Variants in ADGRV1 observed in about 807,000 individuals in gnomAD.
ADGRV1 encodes G-protein coupled receptor 98.
In ADGRV1, 359 loss-of-function variants were observed where a neutral mutation model predicts 596.2. The observed-to-expected ratio is 0.60, with a 90% CI of 0.55 to 0.66. The LOEUF is 0.66. Among genes scored for constraint, ADGRV1 ranks in the 30% least tolerant of loss-of-function variants. The pLI, the probability that ADGRV1 is intolerant of heterozygous loss-of-function variation, is 0.00. For missense variants in ADGRV1, 7,274 were observed against 7,575.6 expected, an observed-to-expected ratio of 0.96 and a Z score of 1.48; for synonymous variants, 2,681 against 2,679.2, an observed-to-expected ratio of 1.00 and a Z score of -0.02.
chr5:90,969,830 A>T lies in ADGRV1; in HGVS notation c.17973+4299A>T, dbSNP rs563726980. Among the ~76,000 whole-genome samples the T allele has an allele frequency of 2.0e-5, 3 of 152,310 alleles. No homozygotes were observed. The East Asian group carries it at 5.8e-4, about 30-fold the overall frequency. ...GAAGACGGGTGATTTCTGCATTTCC[A>T]ACTGAGGTACTGGGTTCATCTCACG... On this transcript the variant is annotated intron_variant, in intron 84 of 89. Coordinates refer to ENST00000405460, the MANE Select transcript of ADGRV1 (RefSeq NM_032119.4).
intron 87 of ADGRV1, among the ~76,000 whole-genome samples, chr5:91,141,048 C>T (rs977110852): frequency 6.6e-6 from 1 of 152,160 alleles, no homozygotes; most frequent in Non-Finnish European, 1.5e-5. Flanking sequence ...ATAAGTGACA[C>T]ACAGAGAAAT....
chr5:90,706,657 A>T (rs1347383304), intron 38 of ADGRV1, among the ~76,000 whole-genome samples: 3 of 151,946 alleles, frequency 2.0e-5, no homozygotes, highest in South Asian at 4.2e-4. Context: ...TTAGTAAGAC[A>T]CTTCTAGTAA....
chr5:90,791,259 G>GCCGATTGTTA lies in ADGRV1; in HGVS notation c.14435_14444dup (p.Glu4815AspfsTer19). The GCCGATTGTTA allele has an allele frequency of 6.2e-7, 1 of 1,611,096 alleles. No homozygotes were observed. The highest frequency in any genetic ancestry group is 8.5e-7 in the Non-Finnish European group (1 of 1,178,608). On this transcript the variant is annotated frameshift_variant, in exon 70 of 90. Coordinates refer to ENST00000405460, the MANE Select transcript of ADGRV1 (RefSeq NM_032119.4). LOFTEE classifies it high-confidence loss of function. ...GAATATCATCGGATCATAAAGAACA[G>GCCGATTGTTA]CCGATTGTTACCGAAAATGCAGAGA... is the stretch of plus-strand genomic sequence containing the variant.
intron 75 of ADGRV1, among the ~76,000 whole-genome samples, chr5:90,821,350 C>G (rs1763481374): frequency 6.6e-6 from 1 of 151,078 alleles, no homozygotes; most frequent in African/African-American, 2.4e-5. Flanking sequence ...ACTTCTTTGC[C>G]TTTGGTTTGA....
At chr5:91,137,629 T>C (rs1794754599) in intron 87 of ADGRV1, among the ~76,000 whole-genome samples, 1 of 152,376 alleles carries the variant, frequency 6.6e-6, no homozygotes, top group South Asian at 2.1e-4. Flanking sequence ...TTGGAAGGAC[T>C]TCCCTAAATT....
chr5:90,896,024 C>T (rs914094379), intron 83 of ADGRV1, among the ~76,000 whole-genome samples: 4 of 151,470 alleles, frequency 2.6e-5, no homozygotes, highest in Admixed American at 6.6e-5. Flanking sequence ...ATTCCATTCT[C>T]GGAGGTCATT....
At chr5:90,797,517 CAAT>C (rs1034509947) in intron 70 of ADGRV1, among the ~76,000 whole-genome samples, 118 of 152,102 alleles carry the variant, frequency 7.8e-4, no homozygotes, top group African/African-American at 2.8e-3. Flanking sequence ...GACTCCCACA[CAAT>C]AATAATGAGA....
At chr5:90,768,967 G>A (rs12658994) in intron 59 of ADGRV1, among the ~76,000 whole-genome samples, 30,878 of 152,132 alleles carry the variant, frequency 0.2, 4,235 homozygotes, top group East Asian at 0.46. Flanking sequence ...GTTTTGAAAT[G>A]GGACTGACCC....
intron 86 of ADGRV1, among the ~76,000 whole-genome samples, chr5:91,095,261 G>T (rs1790755531): frequency 6.6e-6 from 1 of 151,968 alleles, no homozygotes; most frequent in South Asian, 2.1e-4. Flanking sequence ...GAGTGCAGTG[G>T]CACAGTCAGC....
intron 59 of ADGRV1, 40 bp from the exon 60 acceptor site, chr5:90,774,146 G>C (rs200772537): frequency 9.1e-6 from 11 of 1,203,568 alleles, no homozygotes; most frequent in African/African-American, 4.5e-5. Context: ...TTTGGCTTTG[G>C]TCAATCTGGA....
chr5:91,052,839 A>C (rs1202162827), intron 85 of ADGRV1, among the ~76,000 whole-genome samples: 1 of 152,184 alleles, frequency 6.6e-6, no homozygotes, highest in South Asian at 2.1e-4. Context: ...GCAAATTTAG[A>C]TTAAAAAAGT....
intron 1 of ADGRV1, among the ~76,000 whole-genome samples, chr5:90,565,226 A>G (rs1228836379): frequency 1.3e-5 from 2 of 152,128 alleles, no homozygotes; most frequent in South Asian, 4.2e-4. Flanking sequence ...AACAAGAGCA[A>G]AACTCCATCT....
chr5:90,756,672 C>T, intron 56 of ADGRV1, 42 bp downstream of exon 56: 9 of 1,516,394 alleles, frequency 5.9e-6, no homozygotes, highest in Non-Finnish European at 8.2e-6. Flanking sequence ...ACAGAGGCCT[C>T]TCCCTGCTGA....
chr5:90,605,946 A>C (rs1762064422), intron 1 of ADGRV1, among the ~76,000 whole-genome samples: 1 of 152,208 alleles, frequency 6.6e-6, no homozygotes, highest in Non-Finnish European at 1.5e-5. Context: ...AAAAAGAAAA[A>C]GAAAGTACTT....
intron 85 of ADGRV1, among the ~76,000 whole-genome samples, chr5:91,051,343 A>T (rs981483712): frequency 3.9e-5 from 6 of 152,124 alleles, no homozygotes; most frequent in African/African-American, 1.4e-4. Context: ...GTACCCATAC[A>T]ATCATTCTTT....
chr5:90,999,560 G>A (rs1053957692), intron 85 of ADGRV1, among the ~76,000 whole-genome samples: 2 of 151,940 alleles, frequency 1.3e-5, no homozygotes, highest in Admixed American at 6.6e-5. Flanking sequence ...GTAAAATTGC[G>A]GGTGGCAGAG....
Position 91,150,012 on chromosome 5 carries a change from T to TTCTTTTC in ADGRV1, c.18433-17_18433-16insCTTTTCT, listed in dbSNP as rs1554239805. ...CTTTTTCTTTTTCTTTTCTTTTCTT[T>TTCTTTTC]TTTTTTTTTTTTTGCAGGGACTTTA... On this transcript the variant is annotated splice_polypyrimidine_tract_variant and intron_variant, in intron 87 of 89. Coordinates refer to ENST00000405460, the MANE Select transcript of ADGRV1 (RefSeq NM_032119.4). 3.8e-4 allele frequency: 481 copies of TTCTTTTC among 1,278,860 alleles called. No homozygotes were observed. The Middle Eastern group carries it at 4.5e-3, about 12-fold the overall frequency. 79.2% of individuals were successfully genotyped at this position (1,278,860 alleles called of 1,614,324 possible).
At chr5:90,752,673 A>G (rs761167397) in intron 53 of ADGRV1, among the ~76,000 whole-genome samples, 2 of 152,230 alleles carry the variant, frequency 1.3e-5, no homozygotes, top group Non-Finnish European at 2.9e-5. Context: ...AAGAAATACC[A>G]TTCAATACAG....
intron 34 of ADGRV1, among the ~76,000 whole-genome samples, chr5:90,701,712 T>C (rs1435447144): frequency 6.6e-6 from 1 of 151,984 alleles, no homozygotes; most frequent in Non-Finnish European, 1.5e-5. Context: ...TGAACTAGTA[T>C]TAGACTTTTA....
Sources: gnomAD v4.1 joint callset for allele counts (sites outside exome capture counted in the v4.1 genomes callset) on GRCh38, gnomAD v4.1.1 for gene constraint, MANE v1.5 for transcripts, NCBI Gene and HGNC (gene_info 2026-07-23, HGNC 2026-07-21) for gene names.